DRG1: variants seen among roughly 807,000 people sequenced by gnomAD.
DRG1 encodes developmentally regulated GTP binding protein 1.
DRG1 carries 19 observed loss-of-function variants against 38.8 expected under a neutral mutation model. The ratio of observed to expected loss-of-function variants is 0.49; its 90% CI spans 0.34 to 0.72. The LOEUF (loss-of-function observed/expected upper bound fraction) is 0.72. DRG1 is among the 30% of genes least tolerant of loss of function. DRG1 has a pLI of 0.01. For synonymous variants in DRG1, 167 were observed against 157.5 expected (o/e 1.06, Z -0.45); for missense variants, 299 against 444.8 (o/e 0.67, Z 2.95).
intron 5 of DRG1, 73 bp downstream of exon 5, chr22:31,420,498 C>T (rs1188105219): frequency 5.8e-6 from 9 of 1,556,688 alleles, no homozygotes; most frequent in Non-Finnish European, 7.8e-6. Context: ...GTGCATGGAC[C>T]CTGACATTGG....
chr22:31,407,579 A>C (rs1190818538), intron 3 of DRG1, among the ~76,000 whole-genome samples: 1 of 151,662 alleles, frequency 6.6e-6, no homozygotes, highest in South Asian at 2.1e-4. Flanking sequence ...CAAGCAGTCT[A>C]CCTGCCTCAG....
intron 8 of DRG1, among the ~76,000 whole-genome samples, chr22:31,428,414 C>T (rs551095493): frequency 2.6e-5 from 4 of 151,826 alleles, no homozygotes; most frequent in South Asian, 4.2e-4. Flanking sequence ...GGGGTTTCAC[C>T]GTGTTAGCCA....
chr22:31,402,380 ATTAAT>A (rs2049967317), intron 2 of DRG1, among the ~76,000 whole-genome samples: 1 of 152,132 alleles, frequency 6.6e-6, no homozygotes, highest in South Asian at 2.1e-4. Flanking sequence ...TTTTTAATTA[ATTAAT>A]TTGTTTATTT....
chr22:31,421,590 A>T (rs2050077340), intron 5 of DRG1, among the ~76,000 whole-genome samples: 2 of 151,174 alleles, frequency 1.3e-5, no homozygotes, highest in Admixed American at 1.3e-4. Flanking sequence ...TAGGCTGGGC[A>T]TGGTGGCTCA....
intron 5 of DRG1, among the ~76,000 whole-genome samples, chr22:31,421,614 A>G (rs1211242404): frequency 6.6e-6 from 1 of 151,992 alleles, no homozygotes; most frequent in African/African-American, 2.4e-5. Context: ...CTGTACATCT[A>G]TAATCCCAGC....
At position 31,434,038 on chromosome 22, in the gene DRG1, C is replaced by T. The variant is rs2050158265; in HGVS notation, c.*67C>T. The T allele has an allele frequency of 6.8e-7, 1 of 1,470,032 alleles. No individual in the cohort carries two copies. Among genetic ancestry groups the T allele is most frequent in the Non-Finnish European group, 9.4e-7 (1 of 1,062,442 alleles). 91.1% of individuals were successfully genotyped at this position (1,470,032 alleles called of 1,614,324 possible). ...GTTCCCCATGATCAAGCACCCTACC[C>T]CAGTTCTTTCTGGTTTTGGCAGTCA... On this transcript the variant is annotated 3_prime_UTR_variant, in exon 9 of 9. Coordinates refer to ENST00000331457, the MANE Select transcript of DRG1 (RefSeq NM_004147.4).
chr22:31,406,191 G>A (rs1348504896), intron 3 of DRG1, among the ~76,000 whole-genome samples: 2 of 151,642 alleles, frequency 1.3e-5, no homozygotes, highest in African/African-American at 2.4e-5. Flanking sequence ...TAGTAGAGAC[G>A]GAGTTTCACT....
intron 8 of DRG1, among the ~76,000 whole-genome samples, chr22:31,432,705 G>A (rs920405171): frequency 7.9e-5 from 12 of 151,466 alleles, no homozygotes; most frequent in African/African-American, 2.4e-4. Context: ...AATTACAGGT[G>A]TGAGCCACCA....
intron 2 of DRG1, among the ~76,000 whole-genome samples, chr22:31,401,820 G>T (rs766846528): frequency 6.6e-6 from 1 of 151,958 alleles, no homozygotes; most frequent in Non-Finnish European, 1.5e-5. Flanking sequence ...TCGGGAGGCC[G>T]AAGTGGGCAG....
At chr22:31,417,627 C>T (rs2050051987) in intron 4 of DRG1, among the ~76,000 whole-genome samples, 4 of 145,758 alleles carry the variant, frequency 2.7e-5, no homozygotes. Context: ...TTGCAGTGAG[C>T]CGAGATCACG....
intron 3 of DRG1, 26 bp from the exon 4 acceptor site, chr22:31,410,986 C>T (rs1371485198): frequency 1.2e-6 from 2 of 1,610,540 alleles, no homozygotes; most frequent in Non-Finnish European, 1.7e-6. Flanking sequence ...TTCTTTCATC[C>T]TCTTCCCCCA....
rs190955402 is a variant in DRG1, at chr22:31,425,177, G to A, written c.714-1438G>A. Reference sequence around the variant, plus strand: ...CTTGCTTTTAAATTTAATTATGATGGTCATATTCCCCATTTCAGTTTTTTT... The same window carrying A: ...CTTGCTTTTAAATTTAATTATGATGATCATATTCCCCATTTCAGTTTTTTT... On this transcript the variant is annotated intron_variant, in intron 6 of 8. Coordinates refer to ENST00000331457, the MANE Select transcript of DRG1 (RefSeq NM_004147.4). 4.2e-3 allele frequency among the ~76,000 whole-genome samples: 631 copies of A among 151,960 alleles called. 3 individuals carry two copies. Among genetic ancestry groups the A allele is most frequent in the African/African-American group, 0.014 (593 of 41,422 alleles).
At chr22:31,405,750 G>A (rs2049986495) in intron 3 of DRG1, among the ~76,000 whole-genome samples, 3 of 151,648 alleles carry the variant, frequency 2.0e-5, no homozygotes, top group Admixed American at 1.3e-4. Context: ...GTGCAGTGGC[G>A]TGATCTTGGC....
chr22:31,407,097 T>C (rs767377614), intron 3 of DRG1, among the ~76,000 whole-genome samples: 2 of 152,216 alleles, frequency 1.3e-5, no homozygotes, highest in African/African-American at 2.4e-5. Flanking sequence ...ATACTGTCTT[T>C]CTCAGTGCCT....
At chr22:31,415,243 TTCC>T (rs969320066) in intron 4 of DRG1, among the ~76,000 whole-genome samples, 1 of 152,200 alleles carries the variant, frequency 6.6e-6, no homozygotes, top group Non-Finnish European at 1.5e-5. Flanking sequence ...TAAAATTTAG[TTCC>T]TCAATTATGT....
chr22:31,425,571 G>A (rs1176588928), intron 6 of DRG1, among the ~76,000 whole-genome samples: 1 of 151,844 alleles, frequency 6.6e-6, no homozygotes, highest in Non-Finnish European at 1.5e-5. Flanking sequence ...CTCCTGAGTA[G>A]CTGGGACTAT....
chr22:31,410,738 C>T, intron 3 of DRG1, among the ~76,000 whole-genome samples: 1 of 151,868 alleles, frequency 6.6e-6, no homozygotes, highest in Non-Finnish European at 1.5e-5. Flanking sequence ...TCCCTTGAAC[C>T]CGAGAGGCAG....
At chr22:31,408,074 C>T (rs1333259765) in intron 3 of DRG1, among the ~76,000 whole-genome samples, 2 of 144,492 alleles carry the variant, frequency 1.4e-5, no homozygotes, top group African/African-American at 2.5e-5. Flanking sequence ...TGCAGTGAGC[C>T]GAGATCACAC....
chr22:31,409,245 C>T lies in DRG1; in HGVS notation c.343-1767C>T, dbSNP rs140938563. On this transcript the variant is annotated intron_variant, in intron 3 of 8. Transcript: ENST00000331457. Reference sequence around the variant, plus strand: ...GATTACAGGTGTGTGCCACCATACCCGGCTAATTTTTGTATTTTTTGTACA... The same window carrying T: ...GATTACAGGTGTGTGCCACCATACCTGGCTAATTTTTGTATTTTTTGTACA... Among the ~76,000 whole-genome samples the T allele has an allele frequency of 5.0e-3, 758 of 152,132 alleles. 6 individuals are homozygous for T. Among genetic ancestry groups the T allele is most frequent in the Non-Finnish European group, 7.2e-3 (488 of 68,020 alleles).
Sources: allele counts gnomAD v4.1 joint callset (sites outside exome capture counted in the v4.1 genomes callset), GRCh38; gene constraint gnomAD v4.1.1; transcripts MANE v1.5; gene names NCBI Gene and HGNC (gene_info 2026-07-23, HGNC 2026-07-21).